The following ASAP1 variants were observed in gnomAD, a reference collection of about 807,000 sequenced individuals.
The protein encoded by ASAP1 is arf-GAP with SH3 domain, ANK repeat and PH domain-containing protein 1.
A neutral mutation model predicts 145.2 loss-of-function variants in ASAP1; 43 were observed. That is an observed-to-expected ratio of 0.30 (90% CI 0.23 to 0.38). ASAP1 has a LOEUF of 0.38. Among genes scored for constraint, ASAP1 ranks in the 10% least tolerant of loss-of-function variants. The probability of loss-of-function intolerance (pLI) is 1.00; values close to 1 mark genes in which losing one functional copy is unlikely to be tolerated. For missense variants in ASAP1, 1,018 were observed against 1,355.3 expected, an observed-to-expected ratio of 0.75 and a Z score of 3.91; for synonymous variants, 546 against 515.5, an observed-to-expected ratio of 1.06 and a Z score of -0.80.
intron 4 of ASAP1, among the ~76,000 whole-genome samples, chr8:130,215,026 G>C (rs1816812000): frequency 6.6e-6 from 1 of 151,824 alleles, no homozygotes; most frequent in African/African-American, 2.4e-5. Flanking sequence ...TCAGCCTCTT[G>C]AGTAGCTGGG....
intron 13 of ASAP1, among the ~76,000 whole-genome samples, chr8:130,146,512 TTC>T (rs2097630977): frequency 6.6e-6 from 1 of 152,138 alleles, no homozygotes. Context: ...AATATTCTCA[TTC>T]TCTCTTTTCA....
At chr8:130,436,409 C>T (rs530086809) in intron 1 of ASAP1, among the ~76,000 whole-genome samples, 2 of 152,274 alleles carry the variant, frequency 1.3e-5, no homozygotes, top group African/African-American at 4.8e-5. Context: ...AATCCTCCCA[C>T]GTCAGCCTCC....
chr8:130,254,218 GC>G (rs1819379019), intron 3 of ASAP1, among the ~76,000 whole-genome samples: 1 of 152,182 alleles, frequency 6.6e-6, no homozygotes, highest in African/African-American at 2.4e-5. Flanking sequence ...AAAGGCCACT[GC>G]CAAGGATTCC....
intron 5 of ASAP1, among the ~76,000 whole-genome samples, chr8:130,207,345 T>G (rs910283740): frequency 6.6e-6 from 1 of 152,226 alleles, no homozygotes; most frequent in Non-Finnish European, 1.5e-5. Context: ...AAAATGTTTT[T>G]AAAAATGTCA....
intron 24 of ASAP1, 21 bp downstream of exon 24, chr8:130,112,073 A>T (rs937254451): frequency 1.2e-6 from 2 of 1,601,214 alleles, no homozygotes; most frequent in Non-Finnish European, 1.7e-6. Flanking sequence ...TGGAGTCACA[A>T]GCCCTTCTCA....
chr8:130,361,248 T>C (rs1009552796), intron 2 of ASAP1: 34 of 196,932 alleles, frequency 1.7e-4, no homozygotes, highest in Non-Finnish European at 8.4e-5. Context: ...CAAGAGGCCC[T>C]GGGTTCCAGA....
chr8:130,239,514 C>T (rs913162156), intron 3 of ASAP1, among the ~76,000 whole-genome samples: 1 of 152,070 alleles, frequency 6.6e-6, no homozygotes. Flanking sequence ...CCTAATTCTG[C>T]ATTCTAATGA....
chr8:130,331,456 G>A (rs1824684382), intron 3 of ASAP1, among the ~76,000 whole-genome samples: 2 of 152,190 alleles, frequency 1.3e-5, no homozygotes, highest in Non-Finnish European at 2.9e-5. Context: ...AACGGGCCCA[G>A]AATGTTAAGT....
chr8:130,437,745 C>T (rs565220707), intron 1 of ASAP1, among the ~76,000 whole-genome samples: 2 of 152,304 alleles, frequency 1.3e-5, no homozygotes, highest in African/African-American at 4.8e-5. Flanking sequence ...CCCCAGAAGC[C>T]GCGGGTGGGC....
intron 3 of ASAP1, among the ~76,000 whole-genome samples, chr8:130,278,826 A>T (rs2137158321): frequency 6.6e-6 from 1 of 152,336 alleles, no homozygotes; most frequent in African/African-American, 2.4e-5. Flanking sequence ...CTGGGGGCAG[A>T]ACCAGAATTC....
intron 3 of ASAP1, among the ~76,000 whole-genome samples, chr8:130,272,415 G>A (rs924374759): frequency 2.0e-5 from 3 of 152,090 alleles, no homozygotes; most frequent in African/African-American, 4.8e-5. Flanking sequence ...TAGTACAGTC[G>A]CTGTGAAAAA....
chr8:130,221,661 T>A (rs1292467004), intron 4 of ASAP1, among the ~76,000 whole-genome samples: 1 of 152,192 alleles, frequency 6.6e-6, no homozygotes, highest in Non-Finnish European at 1.5e-5. Context: ...GCCCCTTATG[T>A]CCATACTAAA....
rs561850701 is a variant in ASAP1 at position 130,250,079 on chromosome 8, A to T, written c.187-13085T>A. Among the ~76,000 whole-genome samples, 5 of 152,296 alleles carry T rather than the reference A, an allele frequency of 3.3e-5. No homozygotes were observed. In the South Asian group the frequency reaches 1.0e-3, roughly 32 times the overall value. The stretch of plus-strand genomic sequence containing the variant: ...GGAAATATATTTGGGAAAGTATCTG[A>T]TATTCAAGATTTCCATGCAATTAAA... On this transcript the variant is annotated intron_variant, in intron 3 of 29. Coordinates refer to ENST00000518721, the MANE Select transcript of ASAP1 (RefSeq NM_018482.4).
At chr8:130,211,383 C>A (rs188597763) in intron 5 of ASAP1, among the ~76,000 whole-genome samples, 339 of 152,244 alleles carry the variant, frequency 2.2e-3, no homozygotes, top group African/African-American at 7.6e-3. Context: ...TTTCACATAA[C>A]ATCTCACTTG....
chr8:130,290,857 A>G (rs1287529867), intron 3 of ASAP1, among the ~76,000 whole-genome samples: 1 of 152,162 alleles, frequency 6.6e-6, no homozygotes, highest in Non-Finnish European at 1.5e-5. Context: ...CCTTGCTTTG[A>G]TATGCTTTAA....
chr8:130,224,363 C>G (rs1289305398), intron 4 of ASAP1, among the ~76,000 whole-genome samples: 2 of 152,108 alleles, frequency 1.3e-5, no homozygotes, highest in African/African-American at 4.8e-5. Context: ...ACTAATCACA[C>G]TTATAAAATA....
intron 11 of ASAP1, among the ~76,000 whole-genome samples, chr8:130,164,356 G>A (rs781312279): frequency 3.9e-5 from 6 of 152,126 alleles, no homozygotes; most frequent in South Asian, 2.1e-4. Context: ...AGGCTGAGGC[G>A]GGCAGATCAC....
intron 3 of ASAP1, among the ~76,000 whole-genome samples, chr8:130,238,695 T>C (rs1818354722): frequency 6.6e-6 from 1 of 152,160 alleles, no homozygotes; most frequent in Non-Finnish European, 1.5e-5. Flanking sequence ...ATCTTCATTT[T>C]TCAGATAAGG....
At chr8:130,176,311 T>A (rs1227816510) in intron 9 of ASAP1, among the ~76,000 whole-genome samples, 1 of 152,166 alleles carries the variant, frequency 6.6e-6, no homozygotes, top group East Asian at 1.9e-4. Flanking sequence ...ACGTAGAGAA[T>A]GCTTAACAGG....
Sources: allele counts gnomAD v4.1 joint callset (sites outside exome capture counted in the v4.1 genomes callset), GRCh38; gene constraint gnomAD v4.1.1; transcripts MANE v1.5; gene names NCBI Gene and HGNC (gene_info 2026-07-23, HGNC 2026-07-21).